RIMS2: variants seen among roughly 807,000 people sequenced by gnomAD.
RIMS2 encodes regulating synaptic membrane exocytosis protein 2.
RIMS2 carries 59 observed loss-of-function variants against 174.4 expected under a neutral mutation model. The ratio of observed to expected loss-of-function variants is 0.34; its 90% CI spans 0.27 to 0.42. The LOEUF (loss-of-function observed/expected upper bound fraction) is 0.42, where lower values mean the gene tolerates loss of function less well. Ranked by LOEUF, RIMS2 falls within the 10% of genes least tolerant of loss-of-function variation. The pLI is 1.00. For missense variants in RIMS2, 1,620 were observed against 1,666.3 expected, an observed-to-expected ratio of 0.97 and a Z score of 0.48; for synonymous variants, 606 against 572.5, an observed-to-expected ratio of 1.06 and a Z score of -0.84.
At chr8:103,548,932 G>A (rs781087860) in intron 1 of RIMS2, among the ~76,000 whole-genome samples, 1 of 151,966 alleles carries the variant, frequency 6.6e-6, no homozygotes, top group Non-Finnish European at 1.5e-5. Context: ...ACCACAAAAA[G>A]AATAAAATAC....
chr8:103,629,662 A>G (rs1589343087), intron 1 of RIMS2, among the ~76,000 whole-genome samples: 1 of 152,220 alleles, frequency 6.6e-6, no homozygotes, highest in South Asian at 2.1e-4. Context: ...ACATATGCCA[A>G]CACTAAGATG....
chr8:103,865,181 T>C (rs1458497338), intron 3 of RIMS2, among the ~76,000 whole-genome samples: 5 of 151,528 alleles, frequency 3.3e-5, no homozygotes, highest in Admixed American at 6.6e-5. Context: ...TAAAAATAAA[T>C]ACAAAGTCTC....
At chr8:103,820,416 A>G (rs2098744850) in intron 3 of RIMS2, among the ~76,000 whole-genome samples, 1 of 152,030 alleles carries the variant, frequency 6.6e-6, no homozygotes, top group African/African-American at 2.4e-5. Flanking sequence ...AAGACTGAGA[A>G]AGAAATTCTG....
chr8:103,697,021 G>T (rs902997885), intron 1 of RIMS2, 65 bp from the exon 4 acceptor site: 2 of 915,532 alleles, frequency 2.2e-6, no homozygotes, highest in South Asian at 1.4e-5. Flanking sequence ...TCTATAAATT[G>T]TGATAATTTT....
intron 15 of RIMS2, among the ~76,000 whole-genome samples, chr8:103,965,362 A>G (rs1175757009): frequency 6.6e-6 from 1 of 151,906 alleles, no homozygotes; most frequent in Non-Finnish European, 1.5e-5. Flanking sequence ...TCTTATACAT[A>G]TTTTGTTAGA....
intron 1 of RIMS2, among the ~76,000 whole-genome samples, chr8:103,682,236 T>C (rs964891333): frequency 6.6e-6 from 1 of 152,050 alleles, no homozygotes; most frequent in Non-Finnish European, 1.5e-5. Context: ...CACTTATATA[T>C]AGGTGGAAGT....
intron 1 of RIMS2, among the ~76,000 whole-genome samples, chr8:103,690,145 G>A (rs891245171): frequency 2.6e-5 from 4 of 151,922 alleles, no homozygotes; most frequent in Admixed American, 1.3e-4. Context: ...TGTATTTTTA[G>A]TAGAGACAGG....
At chr8:103,927,856 TAGA>T (rs2079076510) in exon 11 of RIMS2, 5 of 1,608,298 alleles carry the variant, frequency 3.1e-6, no homozygotes, top group Middle Eastern at 1.7e-4. Flanking sequence ...AAAGCCTTAG[TAGA>T]AGAACAACGC....
chr8:103,983,825 G>A (rs901450214), intron 16 of RIMS2, among the ~76,000 whole-genome samples: 2 of 152,104 alleles, frequency 1.3e-5, no homozygotes, highest in Non-Finnish European at 2.9e-5. Flanking sequence ...AACCCCCTGA[G>A]ACATTCATCT....
At chr8:104,240,185 G>A (rs1302308437) in intron 19 of RIMS2, among the ~76,000 whole-genome samples, 1 of 152,164 alleles carries the variant, frequency 6.6e-6, no homozygotes, top group African/African-American at 2.4e-5. Flanking sequence ...ATTCAGATAA[G>A]CACCCTATCT....
chr8:104,043,399 C>T (rs2096641987), intron 19 of RIMS2, among the ~76,000 whole-genome samples: 1 of 151,558 alleles, frequency 6.6e-6, no homozygotes, highest in East Asian at 1.9e-4. Context: ...CTCATTAGCA[C>T]ACTTCGGATG....
At chr8:103,923,261 C>CTGTG (rs149326266) in intron 10 of RIMS2, among the ~76,000 whole-genome samples, 2 of 150,656 alleles carry the variant, frequency 1.3e-5, no homozygotes, top group Non-Finnish European at 3.0e-5. Context: ...ATAAATAAAA[C>CTGTG]TGTGTGTGTG....
At chr8:104,126,843 G>T (rs1200655588) in intron 19 of RIMS2, among the ~76,000 whole-genome samples, 1 of 151,974 alleles carries the variant, frequency 6.6e-6, no homozygotes, top group Non-Finnish European at 1.5e-5. Context: ...AAGCTGCTTT[G>T]GTCTTTTATT....
intron 17 of RIMS2, 44 bp from the exon 20 acceptor site, chr8:104,013,398 G>T: frequency 6.6e-7 from 1 of 1,509,744 alleles, no homozygotes; most frequent in South Asian, 1.1e-5. Context: ...AATAGCAGAA[G>T]GGCACTAAAG....
chr8:103,725,569 C>T (rs1564416861), intron 2 of RIMS2, among the ~76,000 whole-genome samples: 1 of 152,084 alleles, frequency 6.6e-6, no homozygotes, highest in East Asian at 1.9e-4. Flanking sequence ...CTTTTTATTG[C>T]TGATACTACT....
chr8:103,510,972 T>C (rs1436603), intron 1 of RIMS2, among the ~76,000 whole-genome samples: 27,644 of 152,124 alleles, frequency 0.18, 2,751 homozygotes, highest in African/African-American at 0.26. Flanking sequence ...TACTGAACTA[T>C]TCTTATTTTT....
At position 103,534,550 on chromosome 8, in the gene RIMS2, T is replaced by C. The variant is rs2131017703; in HGVS notation, c.176+33488T>C. Among the ~76,000 whole-genome samples the C allele has an allele frequency of 2.6e-5, 4 of 152,346 alleles. No homozygotes were observed. In the Middle Eastern group the frequency reaches 0.01, roughly 389 times the overall value. On this transcript the variant is annotated intron_variant, in intron 1 of 23. Transcript: ENST00000504942. ...CATCAATTAAAAACATTCTCATTGTTTGATATCAGTACGTATTTGTATTTC... is the reference window on the plus strand; with the variant it reads ...CATCAATTAAAAACATTCTCATTGTCTGATATCAGTACGTATTTGTATTTC...
intron 1 of RIMS2, among the ~76,000 whole-genome samples, chr8:103,679,709 A>G (rs2096856614): frequency 6.6e-6 from 1 of 152,022 alleles, no homozygotes; most frequent in African/African-American, 2.4e-5. Context: ...TAGAAGATAT[A>G]CCTGAAAAAT....
At chr8:103,931,284 G>A (rs759887658) in exon 12 of RIMS2, 1 of 1,601,524 alleles carries the variant, frequency 6.2e-7, no homozygotes. Flanking sequence ...GTTTGACAAG[G>A]TTGGTCACCA....
Sources: allele counts gnomAD v4.1 joint callset (sites outside exome capture counted in the v4.1 genomes callset), GRCh38; gene constraint gnomAD v4.1.1; transcripts MANE v1.5; gene names NCBI Gene and HGNC (gene_info 2026-07-23, HGNC 2026-07-21).